Variants in RNF217 observed in about 807,000 individuals in gnomAD.
RNF217 encodes ring finger protein 217.
In RNF217, 31 loss-of-function variants were observed where a neutral mutation model predicts 57.8. The observed-to-expected ratio is 0.54, with a 90% confidence interval of 0.40 to 0.72. The LOEUF is 0.72. Among genes scored for constraint, RNF217 ranks in the 30% least tolerant of loss-of-function variants. The pLI is 0.00. For synonymous variants in RNF217, 313 were observed against 294.0 expected, an observed-to-expected ratio of 1.06 and a Z score of -0.66; for missense variants, 696 against 708.3, an observed-to-expected ratio of 0.98 and a Z score of 0.20.
chr6:124,996,475 T>A (rs879778207), intron 1 of RNF217: 8 of 152,188 alleles, frequency 5.3e-5, no homozygotes, highest in Non-Finnish European at 8.8e-5. Context: ...TGTGGATATC[T>A]TCTACCAATT....
At position 125,091,299 on chromosome 6, in the gene RNF217, A is replaced by G. The variant is rs755810787; in HGVS notation, c.*8362A>G. ...CCATATGGTGCTTTGTGTGATGAGT[A>G]TATAACATTCATATACGTTATTAGT... On this transcript the variant is annotated 3_prime_UTR_variant, in exon 6 of 6. Transcript: ENST00000521654. The G allele has an allele frequency of 3.9e-5, 6 of 152,070 alleles. No individual in the cohort carries two copies. The highest frequency in any genetic ancestry group is 5.9e-5 in the Non-Finnish European group (4 of 67,932). 9.4% of individuals were successfully genotyped at this position (152,070 alleles called of 1,614,324 possible).
At chr6:125,082,790 A>C in intron 5 of RNF217, 74 bp from the exon 6 acceptor site, 4 of 1,226,992 alleles carry the variant, frequency 3.3e-6, no homozygotes, top group Non-Finnish European at 1.2e-6. Flanking sequence ...CAAATAAATA[A>C]ACATAGACAT....
At chr6:125,048,567 TC>T (rs1191712109) in intron 2 of RNF217, among the ~76,000 whole-genome samples, 5 of 152,092 alleles carry the variant, frequency 3.3e-5, no homozygotes, top group Non-Finnish European at 7.4e-5. Flanking sequence ...AGTATCTTCA[TC>T]CAAGATGTCA....
intron 3 of RNF217, among the ~76,000 whole-genome samples, chr6:125,066,148 C>T (rs577408917): frequency 2.6e-5 from 4 of 152,278 alleles, no homozygotes; most frequent in Non-Finnish European, 5.9e-5. Flanking sequence ...TATCACTAAC[C>T]TGGGGCAAGG....
intron 1 of RNF217, among the ~76,000 whole-genome samples, chr6:125,029,067 TAA>T (rs1484912347): frequency 6.6e-6 from 1 of 152,194 alleles, no homozygotes; most frequent in Admixed American, 6.5e-5. Flanking sequence ...CAGGATTCTC[TAA>T]AATGTATTTT....
intron 1 of RNF217, among the ~76,000 whole-genome samples, chr6:124,991,217 T>TATTCCTCCTGCC (rs1167037124): frequency 6.6e-6 from 1 of 152,200 alleles, no homozygotes; most frequent in Non-Finnish European, 1.5e-5. Context: ...CTCCATTTTC[T>TATTCCTCCTGCC]ATTCCTCCTG....
chr6:124,977,249 T>G (rs1784003100), intron 1 of RNF217, among the ~76,000 whole-genome samples: 1 of 152,216 alleles, frequency 6.6e-6, no homozygotes, highest in African/African-American at 2.4e-5. Context: ...CCACAACCTT[T>G]GCATACTTGA....
At chr6:125,023,460 T>A (rs1785934668) in intron 1 of RNF217, among the ~76,000 whole-genome samples, 1 of 152,224 alleles carries the variant, frequency 6.6e-6, no homozygotes, top group Non-Finnish European at 1.5e-5. Flanking sequence ...GAGGGCACCC[T>A]TGTATACTGT....
chr6:124,971,324 A>C (rs543766963), intron 1 of RNF217: 2 of 159,776 alleles, frequency 1.3e-5, no homozygotes, highest in East Asian at 3.8e-4. Context: ...GTTTTGAGGA[A>C]GCGAAAGGCT....
intron 3 of RNF217, among the ~76,000 whole-genome samples, chr6:125,064,931 C>T (rs9491296): frequency 6.6e-6 from 1 of 151,708 alleles, no homozygotes; most frequent in Admixed American, 6.6e-5. Context: ...GTAGAATTAG[C>T]TTCTGAATAT....
chr6:124,962,810 G>C lies in RNF217; in HGVS notation c.266G>C (p.Gly89Ala), dbSNP rs1432889620. The change falls in exon 1 of 6, where the codon GGA (glycine) becomes GCA (alanine). Residue 89 changes from glycine (G) to alanine (A), a missense_variant. By Grantham distance (60) the Gly-to-Ala change is moderately conservative (BLOSUM62 0). Around this residue, in one of 2 missense-constraint regions of RNF217, gnomAD observed 465 missense variants for 386.8 expected, o/e 1.20. Transcript: ENST00000521654. This position sits in a 1 kb window ranked among gnomAD's most constrained non-coding sequence, Gnocchi z 4.6. ...AGCCGAGCACCGGCGCAGCCTGCGG[G>C]ACTGGCACTCACCGGGCCTCTCAAT... ...SKSRAPAQPA[G>A]LALTGPLNPQ... 1.3e-6 allele frequency: 2 copies of C among 1,597,598 alleles called. No individual in the cohort carries two copies. The highest frequency in any genetic ancestry group is 1.7e-5 in the Admixed American group (1 of 60,002).
At position 125,076,812 on chromosome 6, in the gene RNF217, C is replaced by A; in HGVS notation, c.1437C>A (p.Leu479=). ...TATTTGGATGCAAATATCGCTACCTCCCAGAGAGACCTCATTTAAGGAGAT... is the reference window on the plus strand; with the variant it reads ...TATTTGGATGCAAATATCGCTACCTACCAGAGAGACCTCATTTAAGGAGAT... ...LSIFGCKYRY[L]PERPHLRRLV... Residue 479 remains leucine (L), a synonymous_variant, in exon 4 of 6, where the codon CTC becomes CTA. Coordinates refer to ENST00000521654, the MANE Select transcript of RNF217 (RefSeq NM_001286398.3). The A allele has an allele frequency of 6.2e-7, 1 of 1,613,576 alleles. No individual in the cohort carries two copies. Among genetic ancestry groups the A allele is most frequent in the Non-Finnish European group, 8.5e-7 (1 of 1,179,712 alleles).
rs1274984792 is a variant in RNF217 at position 125,090,673 on chromosome 6, CCAT to C, written c.*7740_*7742del. ...AATAGTAATTTGTACCAGATCTTGT[CCAT>C]CATTTCATTAGATTGCATATTTTTA... is the stretch of plus-strand genomic sequence containing the variant. On this transcript the variant is annotated 3_prime_UTR_variant, in exon 6 of 6. Transcript: ENST00000521654. 1 of 151,778 alleles carries C rather than the reference CCAT, an allele frequency of 6.6e-6. No homozygotes were observed. The highest frequency in any genetic ancestry group is 1.5e-5 in the Non-Finnish European group (1 of 67,840). The allele number at this position is 151,778 out of a possible 1,614,324, so 9.4% of individuals were successfully genotyped here. A position where few individuals can be genotyped will look rare whatever the true frequency, so the allele number is the denominator to read the frequency against.
chr6:125,082,597 G>A, intron 5 of RNF217: 4 of 1,586,268 alleles, frequency 2.5e-6, no homozygotes, highest in East Asian at 2.2e-5. Flanking sequence ...ATATGACTGT[G>A]GACAATAAAG....
At chr6:125,074,378 G>T (rs949200425) in intron 3 of RNF217, among the ~76,000 whole-genome samples, 3 of 151,970 alleles carry the variant, frequency 2.0e-5, no homozygotes, top group African/African-American at 7.3e-5. Flanking sequence ...GGAGAGAGAG[G>T]TGTTATCTTT....
intron 1 of RNF217, 121 bp downstream of exon 1, chr6:124,963,547 TGTTA>T: frequency 8.5e-7 from 1 of 1,175,290 alleles, no homozygotes; most frequent in Non-Finnish European, 1.1e-6. Context: ...TGAGGATCTC[TGTTA>T]GTTTCTCACG....
At chr6:125,072,412 A>G (rs1427154412) in intron 3 of RNF217, among the ~76,000 whole-genome samples, 1 of 152,194 alleles carries the variant, frequency 6.6e-6, no homozygotes, top group Admixed American at 6.5e-5. Flanking sequence ...TAGAGCTTAC[A>G]ATTTTACCAC....
At chr6:125,060,629 G>C (rs1040827962) in intron 3 of RNF217, among the ~76,000 whole-genome samples, 1 of 151,932 alleles carries the variant, frequency 6.6e-6, no homozygotes, top group Non-Finnish European at 1.5e-5. Flanking sequence ...TTCTTCAGTA[G>C]AGACGGGGTT....
rs575717097 is a variant in RNF217, at chr6:125,084,874, A to T, written c.*1937A>T. The T allele has an allele frequency of 2.2e-4, 34 of 152,072 alleles. No individual in the cohort carries two copies. In the South Asian group the frequency reaches 4.4e-3, roughly 19 times the overall value. The allele number at this position is 152,072 out of a possible 1,614,324, so 9.4% of individuals were successfully genotyped here. A position where few individuals can be genotyped will look rare whatever the true frequency, so the allele number is the denominator to read the frequency against. On this transcript the variant is annotated 3_prime_UTR_variant, in exon 6 of 6. Coordinates refer to ENST00000521654, the MANE Select transcript of RNF217 (RefSeq NM_001286398.3). Reference sequence around the variant, plus strand: ...ATTGAGTGCCTATCTTAGGTGTAATAGTATTTAAGACTGAAAGAAGGAGAA... The same window carrying T: ...ATTGAGTGCCTATCTTAGGTGTAATTGTATTTAAGACTGAAAGAAGGAGAA...
Sources: allele counts gnomAD v4.1 joint callset (sites outside exome capture counted in the v4.1 genomes callset), GRCh38; gene constraint gnomAD v4.1.1; regional missense constraint gnomAD v4.1.1; non-coding constraint Gnocchi (gnomAD v3.1); transcripts MANE v1.5; gene names NCBI Gene and HGNC (gene_info 2026-07-23, HGNC 2026-07-21).